The following PPIG variants were observed in gnomAD, a reference collection of about 807,000 sequenced individuals.
PPIG encodes peptidyl-prolyl cis-trans isomerase G.
In PPIG, 26 loss-of-function variants were observed where a neutral mutation model predicts 87.9. The observed-to-expected ratio is 0.30, with a 90% CI of 0.22 to 0.41. PPIG has a LOEUF of 0.41. Among genes scored for constraint, PPIG ranks in the 10% least tolerant of loss-of-function variants. PPIG has a pLI of 1.00. For missense variants in PPIG, 722 were observed against 879.4 expected (o/e 0.82, Z 2.26); for synonymous variants, 308 against 276.5 (o/e 1.11, Z -1.13).
At chr2:169,615,931 G>A (rs572523331) in intron 9 of PPIG, among the ~76,000 whole-genome samples, 1 of 152,218 alleles carries the variant, frequency 6.6e-6, no homozygotes, top group East Asian at 1.9e-4. Context: ...ACATGCCATG[G>A]TGATTTGCTG....
intron 1 of PPIG, among the ~76,000 whole-genome samples, chr2:169,590,881 C>T (rs1684846696): frequency 6.6e-6 from 1 of 152,104 alleles, no homozygotes; most frequent in Non-Finnish European, 1.5e-5. Flanking sequence ...GTGGCTCACG[C>T]CTTTAGTCCC....
At chr2:169,606,174 T>A (rs752978792) in intron 5 of PPIG, 28 bp downstream of exon 5, 2 of 1,491,652 alleles carry the variant, frequency 1.3e-6, no homozygotes, top group African/African-American at 1.4e-5. Flanking sequence ...CATGTATTAT[T>A]TTCTGTTAAA....
At chr2:169,592,034 C>T (rs917957575) in intron 1 of PPIG, among the ~76,000 whole-genome samples, 2 of 145,636 alleles carry the variant, frequency 1.4e-5, no homozygotes, top group African/African-American at 5.1e-5. Flanking sequence ...TCAAATGATC[C>T]TCCCACCGCA....
chr2:169,631,207 A>T (rs1277402934), intron 10 of PPIG, among the ~76,000 whole-genome samples: 1 of 152,152 alleles, frequency 6.6e-6, no homozygotes, highest in Non-Finnish European at 1.5e-5. Flanking sequence ...TACTCAATGA[A>T]ATAATACAGC....
chr2:169,609,119 A>G (rs1685418162), intron 7 of PPIG, among the ~76,000 whole-genome samples: 1 of 150,670 alleles, frequency 6.6e-6, no homozygotes, highest in Non-Finnish European at 1.5e-5. Context: ...TTGGTCTGTC[A>G]TTTCTCTGTG....
chr2:169,589,506 C>CTA (rs1268142380), intron 1 of PPIG, among the ~76,000 whole-genome samples: 1 of 152,060 alleles, frequency 6.6e-6, no homozygotes, highest in Non-Finnish European at 1.5e-5. Context: ...TAAAGATCTG[C>CTA]TATAGTTTTA....
chr2:169,636,450 C>A lies in PPIG; in HGVS notation c.1192C>A (p.Pro398Thr). 6.4e-7 allele frequency: 1 copy of A among 1,556,100 alleles called. No homozygotes were observed. Among genetic ancestry groups the A allele is most frequent in the South Asian group, 1.2e-5 (1 of 81,430 alleles). Residue 398 changes from proline to threonine, a missense_variant, in exon 14 of 14, where the codon CCA (proline) becomes ACA (threonine). Physicochemically the swap from Pro to Thr is conservative, Grantham distance 38 (BLOSUM62 -1). This residue lies in a region of PPIG where 476 missense variants were observed against 483.1 expected (regional missense o/e 0.99). Transcript: ENST00000260970. ...TGAAATAAAAGAAAATCAGAGAAGT[C>A]CAGTTAGAGTAAAAGAGAGAAAAAT... Reference protein sequence around the residue: ...LNEIKENQRSPVRVKERKITD... With the variant: ...LNEIKENQRSTVRVKERKITD...
chr2:169,628,109 G>T (rs1433394985), intron 9 of PPIG, among the ~76,000 whole-genome samples: 1 of 151,984 alleles, frequency 6.6e-6, no homozygotes, highest in East Asian at 1.9e-4. Context: ...TTAACAGTTG[G>T]GCTCGTGAGA....
chr2:169,625,354 A>T (rs1467034323), intron 9 of PPIG, among the ~76,000 whole-genome samples: 1 of 152,132 alleles, frequency 6.6e-6, no homozygotes, highest in African/African-American at 2.4e-5. Context: ...GTGAATGTTG[A>T]TCTTGTAGAA....
At chr2:169,606,411 G>A (rs919807889) in intron 5 of PPIG, among the ~76,000 whole-genome samples, 2 of 151,920 alleles carry the variant, frequency 1.3e-5, no homozygotes, top group African/African-American at 4.8e-5. Context: ...GGCCAACATG[G>A]TGAAACCCTG....
At chr2:169,602,432 C>G (rs534712021) in intron 1 of PPIG, among the ~76,000 whole-genome samples, 2 of 152,292 alleles carry the variant, frequency 1.3e-5, no homozygotes, top group East Asian at 3.9e-4. Flanking sequence ...TCTCCTGCCT[C>G]AGCCTCCTGA....
At chr2:169,630,142 T>G (rs1342100110) in intron 9 of PPIG, among the ~76,000 whole-genome samples, 1 of 24,226 alleles carries the variant, frequency 4.1e-5, no homozygotes, top group South Asian at 1.7e-3. Context: ...AAACTCTGAG[T>G]TTTTTTTTTT....
At chr2:169,595,215 T>G (rs1181248451) in intron 1 of PPIG, among the ~76,000 whole-genome samples, 1 of 152,178 alleles carries the variant, frequency 6.6e-6, no homozygotes, top group African/African-American at 2.4e-5. Context: ...CCACTGCGCC[T>G]GGCCTATTCA....
chr2:169,614,740 A>G lies in PPIG; in HGVS notation c.547+16A>G, dbSNP rs751850620. Reference sequence around the variant, plus strand: ...AAATCTAAAGGTAAAAAGGAAGTACATATTTCTGAGAATACTTACACATAC... The same window carrying G: ...AAATCTAAAGGTAAAAAGGAAGTACGTATTTCTGAGAATACTTACACATAC... On this transcript the variant is annotated intron_variant, in intron 9 of 13. Coordinates refer to ENST00000260970, the MANE Select transcript of PPIG (RefSeq NM_004792.3). 2.1e-5 allele frequency: 34 copies of G among 1,589,008 alleles called. No individual in the cohort carries two copies. In the Admixed American group the frequency reaches 3.2e-4, roughly 15 times the overall value.
In PPIG at chr2:169,614,504, TTTTA is replaced by T. The variant is rs1574453239; in HGVS notation, c.407+19_407+22del. 1 of 1,557,674 alleles carries T rather than the reference TTTTA, an allele frequency of 6.4e-7. No homozygotes were observed. Among genetic ancestry groups the T allele is most frequent in the East Asian group, 2.3e-5 (1 of 44,198 alleles). ...TCCTCATTTAGATGGGTAAATATTA[TTTTA>T]TTTATTTTACAACCTGTTTTAAATT... On this transcript the variant is annotated intron_variant, in intron 8 of 13. Coordinates refer to ENST00000260970, the MANE Select transcript of PPIG (RefSeq NM_004792.3).
At chr2:169,620,497 T>C in intron 9 of PPIG, among the ~76,000 whole-genome samples, 1 of 152,104 alleles carries the variant, frequency 6.6e-6, no homozygotes, top group East Asian at 1.9e-4. Flanking sequence ...TGTTGTTTTT[T>C]GTTTGTTTTT....
chr2:169,638,109 C>T lies in PPIG; in HGVS notation c.*586C>T, dbSNP rs1419263193. The T allele has an allele frequency of 2.0e-5, 3 of 152,046 alleles. No individual in the cohort carries two copies. Among genetic ancestry groups the T allele is most frequent in the African/African-American group, 7.2e-5 (3 of 41,436 alleles). 9.4% of individuals were successfully genotyped at this position (152,046 alleles called of 1,614,324 possible). On this transcript the variant is annotated 3_prime_UTR_variant, in exon 14 of 14. Transcript: ENST00000260970. ...CTATTCTTTATAGTTCGAGCCATAG[C>T]TTGTTTCCTATTAATGCTTTTCCTG...
intron 6 of PPIG, among the ~76,000 whole-genome samples, chr2:169,608,465 G>C (rs2105492579): frequency 6.6e-6 from 1 of 151,722 alleles, no homozygotes; most frequent in Non-Finnish European, 1.5e-5. Context: ...ACTCCAGCCT[G>C]GGCAACAGAG....
At position 169,598,837 on chromosome 2, in the gene PPIG, T is replaced by TGTATATAAATACAGGTAAA. The variant is rs1318577481; in HGVS notation, c.-69-4805_-69-4804insGTATATAAATACAGGTAAA. Among the ~76,000 whole-genome samples the TGTATATAAATACAGGTAAA allele has an allele frequency of 1.2e-3, 82 of 68,934 alleles. 1 individual carries two copies. The East Asian group carries it at 0.027, about 23-fold the overall frequency. The allele number at this position is 68,934 out of a possible 152,430, so 45.2% of individuals were successfully genotyped here. A position where few individuals can be genotyped will look rare whatever the true frequency, so the allele number is the denominator to read the frequency against. ...TATTTATATAAATACAGGTAAATAT[T>TGTATATAAATACAGGTAAA]TATATGTATATAAATACAGGTAAAT... On this transcript the variant is annotated intron_variant, in intron 1 of 13. Coordinates refer to ENST00000260970, the MANE Select transcript of PPIG (RefSeq NM_004792.3).
Sources: allele counts gnomAD v4.1 joint callset (sites outside exome capture counted in the v4.1 genomes callset), GRCh38; gene constraint gnomAD v4.1.1; regional missense constraint gnomAD v4.1.1; transcripts MANE v1.5; gene names NCBI Gene and HGNC (gene_info 2026-07-23, HGNC 2026-07-21).